The following ZFAT variants were observed in gnomAD, a reference collection of about 807,000 sequenced individuals.
ZFAT encodes zinc finger and AT-hook domain containing.
Under a neutral mutation model 117.7 loss-of-function variants are expected in ZFAT, and 64 were observed. That is an observed-to-expected ratio of 0.54 (90% CI 0.44 to 0.67). The LOEUF (loss-of-function observed/expected upper bound fraction) is 0.67. Among genes scored for constraint, ZFAT ranks in the 30% least tolerant of loss-of-function variants. The pLI, the probability that ZFAT is intolerant of heterozygous loss-of-function variation, is 0.00. For synonymous variants in ZFAT, 679 were observed against 615.0 expected (o/e 1.10, Z -1.54); for missense variants, 1,433 against 1,584.5 (o/e 0.90, Z 1.62).
intron 11 of ZFAT, among the ~76,000 whole-genome samples, chr8:134,549,265 C>A (rs1223069533): frequency 6.6e-6 from 1 of 152,000 alleles, no homozygotes; most frequent in East Asian, 1.9e-4. Flanking sequence ...CATGGTGAAA[C>A]CCCGTTTCTA....
the ZFAT span, among the ~76,000 whole-genome samples, chr8:134,801,882 G>A: frequency 1.3e-5 from 2 of 152,196 alleles, no homozygotes; most frequent in Non-Finnish European, 2.9e-5. Flanking sequence ...CTGTGATTCT[G>A]AAAGCATGGG....
chr8:134,682,651 T>C (rs2131302881), intron 1 of ZFAT, among the ~76,000 whole-genome samples: 1 of 152,238 alleles, frequency 6.6e-6, no homozygotes, highest in African/African-American at 2.4e-5. Flanking sequence ...TGAAACTCCA[T>C]CTCAAAAATA....
intron 5 of ZFAT, among the ~76,000 whole-genome samples, chr8:134,605,407 G>C (rs566785137): frequency 6.6e-6 from 1 of 152,234 alleles, no homozygotes; most frequent in East Asian, 1.9e-4. Flanking sequence ...TTAGCTGGGT[G>C]TGGTGGTGGG....
the ZFAT span, among the ~76,000 whole-genome samples, chr8:134,770,458 T>C: frequency 0.012 from 1,800 of 152,322 alleles, 41 homozygotes; most frequent in African/African-American, 0.041. Flanking sequence ...CCTTAATCAA[T>C]ACCTTTGTGA....
chr8:134,523,954 G>A (rs1269962582), intron 12 of ZFAT, among the ~76,000 whole-genome samples: 1 of 152,122 alleles, frequency 6.6e-6, no homozygotes, highest in Non-Finnish European at 1.5e-5. Context: ...CATCTTCATT[G>A]TCCTTTCTCC....
At chr8:134,764,806 T>C in the ZFAT span, 3 of 152,308 alleles carry the variant, frequency 2.0e-5, no homozygotes, top group Non-Finnish European at 4.4e-5. Flanking sequence ...GAGGCCTCAC[T>C]GTTGCTTCAA....
At position 134,613,328 on chromosome 8, in the gene ZFAT, G is replaced by A. The variant is rs369861790; in HGVS notation, c.449-2673C>T. On this transcript the variant is annotated intron_variant, in intron 3 of 15. Transcript: ENST00000377838. ...AAGAAGCAGCTGAAGAGATCACCAC[G>A]CTCTGCAACGGATAAACTGTGTCTG... Among the ~76,000 whole-genome samples, 4 of 152,134 alleles carry A rather than the reference G, an allele frequency of 2.6e-5. No homozygotes were observed. In the South Asian group the frequency reaches 6.2e-4, roughly 24 times the overall value.
At chr8:134,625,317 T>C (rs1286375187) in intron 3 of ZFAT, among the ~76,000 whole-genome samples, 1 of 152,244 alleles carries the variant, frequency 6.6e-6, no homozygotes, top group Non-Finnish European at 1.5e-5. Flanking sequence ...GCAGTGATTG[T>C]CCCAGACCTC....
chr8:134,681,160 C>T (rs933734459), intron 1 of ZFAT, among the ~76,000 whole-genome samples: 1 of 152,190 alleles, frequency 6.6e-6, no homozygotes, highest in Non-Finnish European at 1.5e-5. Context: ...AGTGAATGTG[C>T]CCATCTCTGC....
chr8:134,701,639 AG>A (rs1448095920), intron 1 of ZFAT, among the ~76,000 whole-genome samples: 5 of 152,328 alleles, frequency 3.3e-5, no homozygotes, highest in African/African-American at 1.2e-4. Flanking sequence ...CAGTGAACAA[AG>A]GTTCTAATTT....
chr8:134,686,249 G>A (rs917120619), intron 1 of ZFAT, among the ~76,000 whole-genome samples: 4 of 152,188 alleles, frequency 2.6e-5, no homozygotes, highest in Admixed American at 6.5e-5. Flanking sequence ...GAAATGACAC[G>A]GAGAGGAATA....
the ZFAT span, among the ~76,000 whole-genome samples, chr8:134,735,729 G>T: frequency 6.6e-6 from 1 of 152,050 alleles, no homozygotes; most frequent in African/African-American, 2.4e-5. Context: ...CACTCATGAG[G>T]CCTCTAATAG....
At chr8:134,828,691 T>C in the ZFAT span, among the ~76,000 whole-genome samples, 1 of 152,204 alleles carries the variant, frequency 6.6e-6, no homozygotes, top group African/African-American at 2.4e-5. Flanking sequence ...TTTTTCTACA[T>C]AAGCAAAGCA....
At chr8:134,782,586 G>A in the ZFAT span, among the ~76,000 whole-genome samples, 14 of 152,052 alleles carry the variant, frequency 9.2e-5, no homozygotes, top group South Asian at 2.1e-4. Context: ...GGCAGATAAC[G>A]GAATCATGGG....
chr8:134,639,441 C>T (rs1282232926), intron 2 of ZFAT, among the ~76,000 whole-genome samples: 1 of 152,156 alleles, frequency 6.6e-6, no homozygotes, highest in Non-Finnish European at 1.5e-5. Context: ...TTCACTCTAT[C>T]TCCCTGGGGC....
the ZFAT span, among the ~76,000 whole-genome samples, chr8:134,721,112 T>G: frequency 2.0e-5 from 3 of 152,032 alleles, no homozygotes; most frequent in Non-Finnish European, 2.9e-5. Context: ...GCCCTACGTG[T>G]GTTTAGTGAG....
chr8:134,649,163 T>A (rs1333041607), intron 2 of ZFAT, among the ~76,000 whole-genome samples: 6 of 80,254 alleles, frequency 7.5e-5, no homozygotes, highest in African/African-American at 3.2e-4. Context: ...AACATCTATC[T>A]CTCACACACA....
intron 11 of ZFAT, among the ~76,000 whole-genome samples, chr8:134,549,325 C>A (rs1470630412): frequency 6.6e-6 from 1 of 151,994 alleles, no homozygotes; most frequent in Non-Finnish European, 1.5e-5. Flanking sequence ...CCTGTACTCC[C>A]AGCTATTCAG....
At chr8:134,820,424 A>C in the ZFAT span, among the ~76,000 whole-genome samples, 1 of 152,366 alleles carries the variant, frequency 6.6e-6, no homozygotes, top group Admixed American at 6.5e-5. Context: ...TCTTATCATC[A>C]TCATACAGCA....
Sources: gnomAD v4.1 joint callset for allele counts (sites outside exome capture counted in the v4.1 genomes callset) on GRCh38, gnomAD v4.1.1 for gene constraint, MANE v1.5 for transcripts, NCBI Gene and HGNC (gene_info 2026-07-23, HGNC 2026-07-21) for gene names.